The following CCDC15 variants were observed in gnomAD, a reference collection of about 807,000 sequenced individuals.
The protein encoded by CCDC15 is coiled-coil domain-containing protein 15.
Under a neutral mutation model 114.5 loss-of-function variants are expected in CCDC15, and 105 were observed. That is an observed-to-expected ratio of 0.92 (90% confidence interval 0.78 to 1.08). CCDC15 has a LOEUF of 1.08. CCDC15 is among the 50% of genes least tolerant of loss of function. The pLI, the probability that CCDC15 is intolerant of heterozygous loss-of-function variation, is 0.00. For missense variants in CCDC15, 1,105 were observed against 1,093.6 expected, an observed-to-expected ratio of 1.01 and a Z score of -0.15; for synonymous variants, 334 against 377.8, an observed-to-expected ratio of 0.88 and a Z score of 1.34.
Position 124,987,226 on chromosome 11 carries a change from G to T in CCDC15, c.1000G>T (p.Asp334Tyr), listed in dbSNP as rs756192682. The T allele has an allele frequency of 7.1e-6, 11 of 1,550,832 alleles. No individual in the cohort carries two copies. Among genetic ancestry groups the T allele is most frequent in the Non-Finnish European group, 8.7e-6 (10 of 1,155,452 alleles). Reference protein sequence around the residue: ...GLQDILPEAQDYFLEAQGDLL... With the variant: ...GLQDILPEAQYYFLEAQGDLL... ...TCAGGATATTCTGCCAGAAGCCCAG[G>T]ATTATTTTCTAGAAGCCCAAGGTGA... Residue 334 changes from aspartate (D) to tyrosine (Y), a missense_variant, in exon 8 of 16, where the codon GAT becomes TAT. By Grantham distance (160) the Asp-to-Tyr change is radical. Coordinates refer to ENST00000344762, the MANE Select transcript of CCDC15 (RefSeq NM_025004.3).
At position 124,966,750 on chromosome 11, in the gene CCDC15, A is replaced by G. The variant is rs556121546; in HGVS notation, c.516+6747A>G. ...TCTTCCTAGCATCGATGGTCTTTAC[A>G]ATTTGGCATGTTTTTGCAGTGGCTG... is the stretch of plus-strand genomic sequence containing the variant. On this transcript the variant is annotated intron_variant, in intron 4 of 15. Transcript: ENST00000344762. 1.3e-4 allele frequency among the ~76,000 whole-genome samples: 20 copies of G among 152,210 alleles called. No homozygotes were observed. The East Asian group carries it at 2.5e-3, about 19-fold the overall frequency.
At chr11:124,968,486 T>C (rs1032519638) in intron 4 of CCDC15, among the ~76,000 whole-genome samples, 1 of 152,200 alleles carries the variant, frequency 6.6e-6, no homozygotes, top group African/African-American at 2.4e-5. Flanking sequence ...AATCTCTTGG[T>C]GTGCCATTTG....
At chr11:124,972,180 A>T (rs1457610554) in intron 4 of CCDC15, among the ~76,000 whole-genome samples, 1 of 152,102 alleles carries the variant, frequency 6.6e-6, no homozygotes, top group Non-Finnish European at 1.5e-5. Context: ...ATTCATCTTC[A>T]TCAGGGAATC....
intron 4 of CCDC15, among the ~76,000 whole-genome samples, chr11:124,966,443 G>A (rs947406259): frequency 6.6e-6 from 1 of 151,622 alleles, no homozygotes; most frequent in Non-Finnish European, 1.5e-5. Flanking sequence ...TTTTATCAGA[G>A]ACTAGGATTG....
intron 6 of CCDC15, among the ~76,000 whole-genome samples, chr11:124,980,665 T>G (rs1948058422): frequency 6.6e-6 from 1 of 152,174 alleles, no homozygotes; most frequent in South Asian, 2.1e-4. Flanking sequence ...TCTCTCTTTT[T>G]AATTAATCTA....
intron 12 of CCDC15, 21 bp downstream of exon 12, chr11:125,003,980 T>A: frequency 8.3e-7 from 1 of 1,206,796 alleles, no homozygotes; most frequent in African/African-American, 1.6e-5. Flanking sequence ...ATACTGCTTT[T>A]GGATCCCAAT....
intron 13 of CCDC15, among the ~76,000 whole-genome samples, chr11:125,025,101 T>C (rs1222468389): frequency 1.5e-5 from 2 of 134,030 alleles, no homozygotes; most frequent in African/African-American, 3.0e-5. Context: ...TATATGAATA[T>C]ATATGAATAT....
At chr11:125,014,245 C>A (rs959446309) in intron 13 of CCDC15, among the ~76,000 whole-genome samples, 1 of 152,074 alleles carries the variant, frequency 6.6e-6, no homozygotes, top group African/African-American at 2.4e-5. Context: ...GATGTCTGGA[C>A]CAGATTAAGA....
At chr11:125,039,176 G>T in intron 15 of CCDC15, 107 bp downstream of exon 15, 1 of 1,073,808 alleles carries the variant, frequency 9.3e-7, no homozygotes, top group Non-Finnish European at 1.3e-6. Context: ...ATGTATCAGA[G>T]ACTGTTATAA....
chr11:125,025,075 A>AATATATATATATATGAAT, intron 13 of CCDC15, among the ~76,000 whole-genome samples: 1 of 57,552 alleles, frequency 1.7e-5, no homozygotes, highest in African/African-American at 6.6e-5. Context: ...TGAATATATG[A>AATATATATATATATGAAT]ATATATATGA....
In CCDC15 at chr11:124,959,849, C is replaced by T. The variant is rs371930839; in HGVS notation, c.362C>T (p.Ser121Leu). The change falls in exon 4 of 16, where the codon TCA becomes TTA. Residue 121 changes from serine (S) to leucine (L), a missense_variant. Ser to Leu is a moderately radical substitution (Grantham distance 145). Coordinates refer to ENST00000344762, the MANE Select transcript of CCDC15 (RefSeq NM_025004.3). ...GAAGGCTCCATAGCCATGCAGTCTTCAGCAACACACTTAACTTCCAAAAGG... is the reference window on the plus strand; with the variant it reads ...GAAGGCTCCATAGCCATGCAGTCTTTAGCAACACACTTAACTTCCAAAAGG... ...QKEGSIAMQS[S>L]ATHLTSKRTS... 1.0e-4 allele frequency: 160 copies of T among 1,602,400 alleles called. No individual in the cohort carries two copies. Among genetic ancestry groups the T allele is most frequent in the Non-Finnish European group, 1.3e-4 (147 of 1,173,860 alleles).
intron 4 of CCDC15, among the ~76,000 whole-genome samples, chr11:124,974,273 G>A (rs1214844678): frequency 6.6e-6 from 1 of 152,124 alleles, no homozygotes; most frequent in East Asian, 1.9e-4. Context: ...GAGCCACCAC[G>A]GCTGGCCTAC....
chr11:124,983,425 A>G (rs1486353058), intron 6 of CCDC15, among the ~76,000 whole-genome samples: 1 of 151,080 alleles, frequency 6.6e-6, no homozygotes, highest in African/African-American at 2.4e-5. Flanking sequence ...TTGTTCCTTC[A>G]GTCTTTGAAG....
Position 124,958,466 on chromosome 11 carries a change from A to G in CCDC15, c.178-649A>G, listed in dbSNP as rs115617417. On this transcript the variant is annotated intron_variant, in intron 2 of 15. Transcript: ENST00000344762. ...CCAAAATATTGGACACCCCTGGTTT[A>G]GAATATGTTTTGGAATTGAGCAATT... Among the ~76,000 whole-genome samples, 658 of 152,222 alleles carry G rather than the reference A, an allele frequency of 4.3e-3. 2 individuals carry two copies. The highest frequency in any genetic ancestry group is 0.015 in the African/African-American group (638 of 41,520).
At position 124,986,985 on chromosome 11, in the gene CCDC15, G is replaced by A. The variant is rs185953294; in HGVS notation, c.900+97G>A. ...GGATTGTAGATTTAGCTTTTGTTAA[G>A]TTGGACAAAGATTATAATTTCACAT... On this transcript the variant is annotated intron_variant, in intron 7 of 15. Coordinates refer to ENST00000344762, the MANE Select transcript of CCDC15 (RefSeq NM_025004.3). The A allele has an allele frequency of 1.2e-3, 1,722 of 1,393,554 alleles. 7 individuals carry two copies. The highest frequency in any genetic ancestry group is 8.4e-4 in the Non-Finnish European group (886 of 1,059,174). 86.3% of individuals were successfully genotyped at this position (1,393,554 alleles called of 1,614,324 possible).
At chr11:124,963,640 A>G (rs1381425899) in intron 4 of CCDC15, among the ~76,000 whole-genome samples, 1 of 151,908 alleles carries the variant, frequency 6.6e-6, no homozygotes, top group Non-Finnish European at 1.5e-5. Flanking sequence ...GAAGCTCTTT[A>G]GTTTAATTAG....
intron 9 of CCDC15, among the ~76,000 whole-genome samples, chr11:124,992,273 ATTC>A (rs1478551287): frequency 6.6e-6 from 1 of 152,204 alleles, no homozygotes; most frequent in East Asian, 1.9e-4. Context: ...TAACAAGATT[ATTC>A]TTCAACTCTT....
chr11:125,004,099 T>G, intron 12 of CCDC15, 140 bp downstream of exon 12: 1 of 459,058 alleles, frequency 2.2e-6, no homozygotes, highest in Non-Finnish European at 3.8e-6. Flanking sequence ...AAAAGTTGCT[T>G]GACTCATTAT....
intron 11 of CCDC15, among the ~76,000 whole-genome samples, chr11:124,998,199 C>G (rs572662313): frequency 6.6e-6 from 1 of 152,296 alleles, no homozygotes; most frequent in East Asian, 1.9e-4. Context: ...TCTGGAATCC[C>G]TCTCTCCATG....
Sources: allele counts gnomAD v4.1 joint callset (sites outside exome capture counted in the v4.1 genomes callset), GRCh38; gene constraint gnomAD v4.1.1; transcripts MANE v1.5; gene names NCBI Gene and HGNC (gene_info 2026-07-23, HGNC 2026-07-21).